Variants in DIPK1A observed in about 807,000 individuals in gnomAD.
DIPK1A encodes family with sequence similarity 69 member A.
Under a neutral mutation model 40.8 loss-of-function variants are expected in DIPK1A, and 27 were observed. The observed-to-expected ratio is 0.66, with a 90% CI of 0.49 to 0.91. The LOEUF is 0.91. Among genes scored for constraint, DIPK1A ranks in the 40% least tolerant of loss-of-function variants. The pLI is 0.00. For missense variants in DIPK1A, 412 were observed against 505.7 expected (o/e 0.81, Z 1.78); for synonymous variants, 166 against 171.3 (o/e 0.97, Z 0.24).
intron 1 of DIPK1A, among the ~76,000 whole-genome samples, chr1:92,944,280 G>GA (rs1571146368): frequency 1.3e-5 from 2 of 152,136 alleles, no homozygotes; most frequent in East Asian, 3.9e-4. Flanking sequence ...AGAAACAGAG[G>GA]AAAAAGAAGG....
intron 1 of DIPK1A, among the ~76,000 whole-genome samples, chr1:92,889,848 C>T (rs1359478524): frequency 2.0e-5 from 3 of 152,040 alleles, no homozygotes; most frequent in African/African-American, 4.8e-5. Flanking sequence ...CAGGGTTTTG[C>T]CATGTTGCCC....
chr1:92,947,875 G>A (rs1240061571), intron 1 of DIPK1A, among the ~76,000 whole-genome samples: 1 of 152,154 alleles, frequency 6.6e-6, no homozygotes, highest in Non-Finnish European at 1.5e-5. Context: ...ATAGTAGAAT[G>A]GTGGTTACCA....
intron 1 of DIPK1A, chr1:92,930,592 A>G (rs991242024): frequency 1.3e-5 from 2 of 152,158 alleles, no homozygotes; most frequent in African/African-American, 2.4e-5. Flanking sequence ...AGGGCCCTTC[A>G]AGGTATTATT....
chr1:92,955,265 T>G (rs1651802083), intron 1 of DIPK1A, among the ~76,000 whole-genome samples: 1 of 152,200 alleles, frequency 6.6e-6, no homozygotes, highest in South Asian at 2.1e-4. Flanking sequence ...TGGATACATG[T>G]CATTATGCAT....
At chr1:92,874,077 C>A (rs754955919) in intron 2 of DIPK1A, among the ~76,000 whole-genome samples, 23 of 152,196 alleles carry the variant, frequency 1.5e-4, no homozygotes, top group Non-Finnish European at 3.2e-4. Flanking sequence ...ATTTTAGACT[C>A]AGAAAGCTCT....
intron 2 of DIPK1A, among the ~76,000 whole-genome samples, chr1:92,874,196 G>T (rs1648010160): frequency 1.3e-5 from 2 of 152,128 alleles, no homozygotes; most frequent in Non-Finnish European, 2.9e-5. Context: ...GAAAAGTAAT[G>T]AAGCACTTCA....
At chr1:92,868,198 C>G (rs1395038576) in intron 2 of DIPK1A, among the ~76,000 whole-genome samples, 1 of 152,174 alleles carries the variant, frequency 6.6e-6, no homozygotes, top group African/African-American at 2.4e-5. Flanking sequence ...CAGTACAGCA[C>G]AAGAAAAAGT....
At chr1:92,872,425 A>G (rs1647919128) in intron 2 of DIPK1A, among the ~76,000 whole-genome samples, 1 of 151,864 alleles carries the variant, frequency 6.6e-6, no homozygotes, top group Admixed American at 6.6e-5. Context: ...GAAATTCTCC[A>G]TTGTTTTACC....
chr1:92,957,232 G>A (rs2100924893), intron 1 of DIPK1A, among the ~76,000 whole-genome samples: 1 of 152,294 alleles, frequency 6.6e-6, no homozygotes, highest in Non-Finnish European at 1.5e-5. Context: ...GACAAATGCA[G>A]GTGTCATTCT....
intron 2 of DIPK1A, among the ~76,000 whole-genome samples, chr1:92,857,762 G>T (rs1688034311): frequency 6.6e-6 from 1 of 152,202 alleles, no homozygotes; most frequent in African/African-American, 2.4e-5. Flanking sequence ...GAGAGGTTAA[G>T]AAGAGGGTAA....
intron 1 of DIPK1A, among the ~76,000 whole-genome samples, chr1:92,900,323 CCT>C (rs1276310831): frequency 2.6e-5 from 4 of 151,768 alleles, no homozygotes; most frequent in Non-Finnish European, 4.4e-5. Flanking sequence ...TTTTTTTCCC[CCT>C]GACTGGGTAA....
downstream of DIPK1A, chr1:92,837,747 T>C: frequency 1.2e-6 from 1 of 822,968 alleles, no homozygotes; most frequent in Non-Finnish European, 2.0e-6. Flanking sequence ...CAACATGAGC[T>C]AGACTTGTCA....
intron 2 of DIPK1A, among the ~76,000 whole-genome samples, chr1:92,874,333 T>C (rs1648017850): frequency 1.3e-5 from 2 of 152,228 alleles, no homozygotes; most frequent in African/African-American, 2.4e-5. Flanking sequence ...TTTCTAACAT[T>C]ACCAGATGAT....
chr1:92,944,769 A>T (rs1412863770), intron 1 of DIPK1A, among the ~76,000 whole-genome samples: 1 of 152,070 alleles, frequency 6.6e-6, no homozygotes, highest in Non-Finnish European at 1.5e-5. Flanking sequence ...AGTAGCTGGG[A>T]GCACAGCTAA....
Position 92,836,080 on chromosome 1 carries a change from A to G in DIPK1A, c.475-3046T>C, listed in dbSNP as rs559028873. 229 of 1,004,700 alleles carry G rather than the reference A, an allele frequency of 2.3e-4. 6 individuals carry two copies. The South Asian group carries it at 2.8e-3, about 12-fold the overall frequency. The allele number at this position is 1,004,700 out of a possible 1,614,324, so 62.2% of individuals were successfully genotyped here. A position where few individuals can be genotyped will look rare whatever the true frequency, so the allele number is the denominator to read the frequency against. ...CTGGTGAAAGGGTGGGTGTGGAAGG[A>G]AATTTTCTTTTCCAGATGTCAGTGG... On this transcript the variant is annotated intron_variant, in intron 4 of 4. Transcript: ENST00000615519.
chr1:92,835,138 C>T (rs747261348), intron 4 of DIPK1A: 25 of 597,880 alleles, frequency 4.2e-5, no homozygotes, highest in Middle Eastern at 4.0e-4. Context: ...TTGCCACTAG[C>T]GACCTGCAGC....
intron 1 of DIPK1A, among the ~76,000 whole-genome samples, chr1:92,899,513 C>T (rs370719335): frequency 1.6e-4 from 25 of 152,242 alleles, no homozygotes; most frequent in African/African-American, 5.8e-4. Context: ...CCAGTCTATA[C>T]TTTTTAAGTG....
intron 1 of DIPK1A, among the ~76,000 whole-genome samples, chr1:92,929,599 C>CT (rs1391599615): frequency 3.2e-5 from 2 of 63,126 alleles, no homozygotes; most frequent in Non-Finnish European, 6.6e-5. Context: ...AAGTTCCTTC[C>CT]TTTCAGATTG....
chr1:92,945,354 G>A (rs1343538024), intron 1 of DIPK1A, among the ~76,000 whole-genome samples: 1 of 152,116 alleles, frequency 6.6e-6, no homozygotes, highest in African/African-American at 2.4e-5. Context: ...CAGGAAACAA[G>A]CTTGTATGTA....
Sources: gnomAD v4.1 joint callset for allele counts (sites outside exome capture counted in the v4.1 genomes callset) on GRCh38, gnomAD v4.1.1 for gene constraint, MANE v1.5 for transcripts, NCBI Gene and HGNC (gene_info 2026-07-23, HGNC 2026-07-21) for gene names.